Variants in RNASET2 observed in about 807,000 individuals in gnomAD.
RNASET2 encodes the protein ribonuclease T2.
A neutral mutation model predicts 33.9 loss-of-function variants in RNASET2; 28 were observed. That is an observed-to-expected ratio of 0.83 (90% CI 0.61 to 1.13). The LOEUF is 1.13. RNASET2 is among the 50% of genes most tolerant of loss of function. The probability of loss-of-function intolerance (pLI) is 0.00; values close to 1 mark genes in which losing one functional copy is unlikely to be tolerated. For synonymous variants in RNASET2, 123 were observed against 121.0 expected (o/e 1.02, Z -0.11); for missense variants, 330 against 319.9 (o/e 1.03, Z -0.24).
In RNASET2 at chr6:166,922,793, C is replaced by T. The variant is rs1583207949; in HGVS notation, c.*6795G>A. Among the ~76,000 whole-genome samples the T allele has an allele frequency of 6.6e-6, 1 of 152,244 alleles. No individual in the cohort carries two copies. The highest frequency in any genetic ancestry group is 2.1e-4 in the South Asian group (1 of 4,828). On this transcript the variant is annotated 3_prime_UTR_variant, in exon 9 of 9. Coordinates refer to ENST00000508775, the MANE Select transcript of RNASET2 (RefSeq NM_003730.6). ...TCAGTACTGGGGCAGCACGAGCAGC[C>T]CACATCTCAGGGTGCAGTCCAAGAC...
At chr6:166,934,202 A>T in intron 6 of RNASET2, 66 bp from the exon 7 acceptor site, 1 of 1,036,592 alleles carries the variant, frequency 9.6e-7, no homozygotes, top group Non-Finnish European at 1.5e-6. Flanking sequence ...TGTTCTTTTC[A>T]GGTATCATAT....
chr6:166,934,395 G>A, intron 6 of RNASET2: 1 of 480,746 alleles, frequency 2.1e-6, no homozygotes. Flanking sequence ...GAGCATGGGA[G>A]CGCTGGGGCC....
rs75500693 is a variant in RNASET2 at position 166,935,442 on chromosome 6, C to T, written c.447-1306G>A. Among the ~76,000 whole-genome samples, 671 of 152,150 alleles carry T rather than the reference C, an allele frequency of 4.4e-3. 7 individuals carry two copies. Among genetic ancestry groups the T allele is most frequent in the African/African-American group, 0.015 (642 of 41,510 alleles). On this transcript the variant is annotated intron_variant, in intron 6 of 8. Transcript: ENST00000508775. ...CCTGACTTGGGTGATCAAGGGAATA[C>T]GGCAAAGAGAGAAAGATGTGGGGAA... is the stretch of plus-strand genomic sequence containing the variant.
intron 1 of RNASET2, 39 bp downstream of exon 1, chr6:166,956,058 G>T (rs1779157075): frequency 6.5e-7 from 1 of 1,536,746 alleles, no homozygotes; most frequent in African/African-American, 1.4e-5. Context: ...CTAGGGCCCG[G>T]CTCCCACGCT....
At position 166,923,301 on chromosome 6, in the gene RNASET2, G is replaced by A. The variant is rs560304563; in HGVS notation, c.*6287C>T. Reference sequence around the variant, plus strand: ...AGCTTGAGTACAGTCTCGGCTCACTGCAGCCTCCACCTCCTGGGTTCAAGC... The same window carrying A: ...AGCTTGAGTACAGTCTCGGCTCACTACAGCCTCCACCTCCTGGGTTCAAGC... On this transcript the variant is annotated 3_prime_UTR_variant, in exon 9 of 9. Transcript: ENST00000508775. Among the ~76,000 whole-genome samples, 200 of 144,780 alleles carry A rather than the reference G, an allele frequency of 1.4e-3. No homozygotes were observed. Among genetic ancestry groups the A allele is most frequent in the Non-Finnish European group, 2.3e-3 (155 of 67,202 alleles). The allele number at this position is 144,780 out of a possible 152,430, so 95.0% of individuals were successfully genotyped here.
chr6:166,925,644 G>A lies in RNASET2; in HGVS notation c.*3944C>T, dbSNP rs1474724284. ...GGCCCTCCCCTGTGCCATCCAGCTG[G>A]CATCTTCTATGTAACACAACAAGAG... is the stretch of plus-strand genomic sequence containing the variant. On this transcript the variant is annotated 3_prime_UTR_variant, in exon 9 of 9. Transcript: ENST00000508775. Among the ~76,000 whole-genome samples, 3 of 152,186 alleles carry A rather than the reference G, an allele frequency of 2.0e-5. No individual in the cohort carries two copies. The highest frequency in any genetic ancestry group is 4.4e-5 in the Non-Finnish European group (3 of 68,036).
chr6:166,926,642 G>A lies in RNASET2; in HGVS notation c.*2946C>T, dbSNP rs889283169. Among the ~76,000 whole-genome samples, 1 of 152,126 alleles carries A rather than the reference G, an allele frequency of 6.6e-6. No individual in the cohort carries two copies. Among genetic ancestry groups the A allele is most frequent in the African/African-American group, 2.4e-5 (1 of 41,426 alleles). Reference sequence around the variant, plus strand: ...AATGATCTCCCACTACTAGCTTGGAGAGAGGGATTGCTTTCCAGGTGACAA... The same window carrying A: ...AATGATCTCCCACTACTAGCTTGGAAAGAGGGATTGCTTTCCAGGTGACAA... On this transcript the variant is annotated 3_prime_UTR_variant, in exon 9 of 9. Transcript: ENST00000508775.
Position 166,929,481 on chromosome 6 carries a change from G to A in RNASET2, c.*107C>T, listed in dbSNP as rs1285100879. 14 of 1,180,144 alleles carry A rather than the reference G, an allele frequency of 1.2e-5. No individual in the cohort carries two copies. The highest frequency in any genetic ancestry group is 1.8e-5 in the Non-Finnish European group (14 of 791,918). The allele number at this position is 1,180,144 out of a possible 1,614,324, so 73.1% of individuals were successfully genotyped here. ...CAACATCCAATTCACAGGCATGGAGGGGAAACAGCAAAATAAACAGACTTC... is the reference window on the plus strand; with the variant it reads ...CAACATCCAATTCACAGGCATGGAGAGGAAACAGCAAAATAAACAGACTTC... On this transcript the variant is annotated 3_prime_UTR_variant, in exon 9 of 9. Transcript: ENST00000508775.
At position 166,922,785 on chromosome 6, in the gene RNASET2, C is replaced by G. The variant is rs577135929; in HGVS notation, c.*6803G>C. ...AGCTGTGTTCAGTACTGGGGCAGCA[C>G]GAGCAGCCCACATCTCAGGGTGCAG... On this transcript the variant is annotated 3_prime_UTR_variant, in exon 9 of 9. Transcript: ENST00000508775. Among the ~76,000 whole-genome samples the G allele has an allele frequency of 6.6e-6, 1 of 152,142 alleles. No individual in the cohort carries two copies. The highest frequency in any genetic ancestry group is 2.4e-5 in the African/African-American group (1 of 41,422).
chr6:166,945,820 A>G (rs564608241), intron 4 of RNASET2, among the ~76,000 whole-genome samples: 38 of 149,090 alleles, frequency 2.5e-4, no homozygotes, highest in African/African-American at 9.3e-4. Flanking sequence ...ACAAGAGCAA[A>G]ACTCTGTCTC....
At chr6:166,935,182 G>A (rs1778536046) in intron 6 of RNASET2, 8 of 151,072 alleles carry the variant, frequency 5.3e-5, no homozygotes, top group Admixed American at 5.3e-4. Flanking sequence ...AGCTGTTGGT[G>A]TTGTATGAAT....
chr6:166,934,041 G>T (rs1210876204), intron 7 of RNASET2, 50 bp downstream of exon 7: 2 of 1,428,674 alleles, frequency 1.4e-6, no homozygotes, highest in African/African-American at 2.8e-5. Flanking sequence ...CGGCCCTACT[G>T]GAGGTCCCCG....
intron 5 of RNASET2, among the ~76,000 whole-genome samples, chr6:166,939,874 T>C (rs1409632456): frequency 3.3e-5 from 5 of 152,274 alleles, no homozygotes; most frequent in Admixed American, 1.3e-4. Context: ...TCACTGAGAA[T>C]GATTCCTGAT....
intron 2 of RNASET2, among the ~76,000 whole-genome samples, chr6:166,950,302 A>G (rs943705463): frequency 2.0e-5 from 3 of 152,198 alleles, no homozygotes; most frequent in Non-Finnish European, 2.9e-5. Context: ...AGTTGATGCC[A>G]GGCAGCTTCC....
Position 166,955,351 on chromosome 6 carries a change from GCACACA to G in RNASET2, c.86+740_86+745del, listed in dbSNP as rs112980077. On this transcript the variant is annotated intron_variant, in intron 1 of 8. Transcript: ENST00000508775. ...CGCACGCACGCACACGCACACGCAC[GCACACA>G]CACACGCACACACAAACGCACACGC... 260 of 107,786 alleles carry G rather than the reference GCACACA, an allele frequency of 2.4e-3. 20 individuals carry two copies. Among genetic ancestry groups the G allele is most frequent in the African/African-American group, 0.02 (203 of 10,328 alleles). The allele number at this position is 107,786 out of a possible 1,614,324, so 6.7% of individuals were successfully genotyped here. A position where few individuals can be genotyped will look rare whatever the true frequency, so the allele number is the denominator to read the frequency against.
At chr6:166,946,982 G>T (rs967407091) in intron 3 of RNASET2, 1 of 547,460 alleles carries the variant, frequency 1.8e-6, no homozygotes, top group African/African-American at 1.9e-5. Flanking sequence ...AATGCAGACA[G>T]GCCACTGCTT....
rs929238849 is a variant in RNASET2 at position 166,924,016 on chromosome 6, A to C, written c.*5572T>G. ...AAGTTCGCAGAAACAAAAAGTGAAA[A>C]CAGGCGATCTGCATGTTTCCTCATC... On this transcript the variant is annotated 3_prime_UTR_variant, in exon 9 of 9. Transcript: ENST00000508775. 6.6e-6 allele frequency among the ~76,000 whole-genome samples: 1 copy of C among 152,212 alleles called. No homozygotes were observed. The highest frequency in any genetic ancestry group is 2.4e-5 in the African/African-American group (1 of 41,454).
chr6:166,930,537 C>A (rs111162647), intron 8 of RNASET2, among the ~76,000 whole-genome samples: 3,216 of 151,218 alleles, frequency 0.021, 121 homozygotes, highest in African/African-American at 0.075. Flanking sequence ...CATGCACACA[C>A]ATGCCCACAT....
chr6:166,929,732 C>T lies in RNASET2; in HGVS notation c.627G>A (p.Gln209=), dbSNP rs1778374406. Residue 209 remains glutamine (Q), a synonymous_variant, in exon 9 of 9, where the codon CAG becomes CAA. Transcript: ENST00000508775. Reference sequence around the variant, plus strand: ...CCCCCGGCTCGGTGCAGTTTTGCAGCTGCTGGTCTTGCTTAGTGAGGCACA... The same window carrying T: ...CCCCCGGCTCGGTGCAGTTTTGCAGTTGCTGGTCTTGCTTAGTGAGGCACA... ...IELCLTKQDQ[Q]LQNCTEPGEQ... The T allele has an allele frequency of 6.2e-7, 1 of 1,614,140 alleles. No individual in the cohort carries two copies. The highest frequency in any genetic ancestry group is 8.5e-7 in the Non-Finnish European group (1 of 1,180,040).
Sources: allele counts gnomAD v4.1 joint callset (sites outside exome capture counted in the v4.1 genomes callset), GRCh38; gene constraint gnomAD v4.1.1; transcripts MANE v1.5; gene names NCBI Gene and HGNC (gene_info 2026-07-23, HGNC 2026-07-21).